Variants in RAPGEF2 observed in about 807,000 individuals in gnomAD.
RAPGEF2 encodes the protein PDZ domain containing guanine nucleotide exchange factor (GEF) 1.
In RAPGEF2, 54 loss-of-function variants were observed where a neutral mutation model predicts 186.7. The ratio of observed to expected loss-of-function variants is 0.29; its 90% CI spans 0.23 to 0.36. The LOEUF is 0.36. Ranked by LOEUF, RAPGEF2 falls within the 10% of genes least tolerant of loss-of-function variation. The pLI is 1.00. For missense variants in RAPGEF2, 1,532 were observed against 2,045.0 expected, an observed-to-expected ratio of 0.75 and a Z score of 4.84; for synonymous variants, 712 against 705.9, an observed-to-expected ratio of 1.01 and a Z score of -0.14.
chr4:159,345,474 T>A, intron 24 of RAPGEF2, 145 bp downstream of exon 24: 1 of 707,310 alleles, frequency 1.4e-6, no homozygotes, highest in Non-Finnish European at 2.3e-6. Context: ...CCTTGAATGC[T>A]AATATTTAAT....
At chr4:159,292,677 T>G (rs1211185723) in intron 7 of RAPGEF2, among the ~76,000 whole-genome samples, 1 of 152,212 alleles carries the variant, frequency 6.6e-6, no homozygotes, top group Non-Finnish European at 1.5e-5. Flanking sequence ...GTGGTCAGCC[T>G]ATTCAATAAA....
chr4:159,344,081 T>C (rs200357378), intron 23 of RAPGEF2, 22 bp downstream of exon 23: 248 of 1,525,304 alleles, frequency 1.6e-4, no homozygotes, highest in Non-Finnish European at 2.1e-4. Flanking sequence ...AGACCTTGCA[T>C]ACCCACACAC....
intron 25 of RAPGEF2, among the ~76,000 whole-genome samples, chr4:159,348,723 C>G (rs1346817781): frequency 6.6e-6 from 1 of 152,166 alleles, no homozygotes; most frequent in Non-Finnish European, 1.5e-5. Flanking sequence ...GTAGATGTCT[C>G]TGAGTATAAA....
chr4:159,232,222 C>T (rs1012707090), intron 4 of RAPGEF2, among the ~76,000 whole-genome samples: 4 of 152,134 alleles, frequency 2.6e-5, no homozygotes, highest in African/African-American at 7.2e-5. Context: ...CCACTAGTGG[C>T]GCTACCTCTT....
chr4:159,134,744 C>G (rs1202074921), intron 1 of RAPGEF2, among the ~76,000 whole-genome samples: 1 of 152,174 alleles, frequency 6.6e-6, no homozygotes, highest in Non-Finnish European at 1.5e-5. Context: ...CCATACAATT[C>G]ACCCATTTAA....
intron 2 of RAPGEF2, among the ~76,000 whole-genome samples, chr4:159,188,547 C>T (rs1747784868): frequency 6.6e-6 from 1 of 151,290 alleles, no homozygotes; most frequent in Admixed American, 6.6e-5. Context: ...GCTTATAATC[C>T]CAGCTGCTGT....
chr4:159,225,107 C>G (rs932558934), intron 4 of RAPGEF2, among the ~76,000 whole-genome samples: 1 of 152,066 alleles, frequency 6.6e-6, no homozygotes, highest in African/African-American at 2.4e-5. Flanking sequence ...TAACCTGGGT[C>G]ACCTGAGAAA....
rs1730415121 is a variant in RAPGEF2, at chr4:159,347,005, GATTA to G, written c.3712+8_3712+11del. 3.1e-6 allele frequency: 5 copies of G among 1,604,704 alleles called. No homozygotes were observed. The highest frequency in any genetic ancestry group is 4.3e-6 in the Non-Finnish European group (5 of 1,172,736). ...AAGGATCTCCCACCTTTTGGTAAGT[GATTA>G]CATTCATTTCTTTTTTTGGTGCCAT... is the stretch of plus-strand genomic sequence containing the variant. On this transcript the variant is annotated splice_region_variant and intron_variant, in intron 25 of 29. Transcript: ENST00000691494.
chr4:159,294,064 G>A (rs571530341), intron 7 of RAPGEF2, among the ~76,000 whole-genome samples: 1 of 152,320 alleles, frequency 6.6e-6, no homozygotes, highest in African/African-American at 2.4e-5. Flanking sequence ...TCTCAGCCAT[G>A]CTACTGTATG....
intron 3 of RAPGEF2, among the ~76,000 whole-genome samples, chr4:159,209,094 G>A (rs1192823295): frequency 6.6e-6 from 1 of 150,392 alleles, no homozygotes; most frequent in African/African-American, 2.5e-5. Flanking sequence ...GTTTCACCAC[G>A]TTGGCCAGGC....
chr4:159,306,464 T>G (rs141524654), intron 8 of RAPGEF2, among the ~76,000 whole-genome samples: 40 of 152,324 alleles, frequency 2.6e-4, no homozygotes, highest in African/African-American at 8.4e-4. Context: ...GCTACTGATT[T>G]GTGCATATTG....
intron 26 of RAPGEF2, 105 bp from the exon 27 acceptor site, chr4:159,352,580 A>C: frequency 1.2e-6 from 1 of 847,554 alleles, no homozygotes; most frequent in Non-Finnish European, 1.9e-6. Flanking sequence ...TCCCCACTTA[A>C]GAGATATCTA....
intron 7 of RAPGEF2, among the ~76,000 whole-genome samples, chr4:159,301,812 T>G (rs1485700872): frequency 6.6e-6 from 1 of 152,154 alleles, no homozygotes; most frequent in Admixed American, 6.5e-5. Context: ...TGAGCTATGA[T>G]TGTGTCTCTA....
chr4:159,301,557 A>G (rs1762678214), intron 7 of RAPGEF2, among the ~76,000 whole-genome samples: 1 of 152,176 alleles, frequency 6.6e-6, no homozygotes, highest in Non-Finnish European at 1.5e-5. Flanking sequence ...AAGAACACAG[A>G]TAGTGCGGAG....
At chr4:159,308,393 C>A (rs931587627) in intron 8 of RAPGEF2, among the ~76,000 whole-genome samples, 2 of 152,112 alleles carry the variant, frequency 1.3e-5, no homozygotes, top group East Asian at 3.9e-4. Flanking sequence ...TTTCAGTAGA[C>A]CACTTCTGTT....
intron 1 of RAPGEF2, among the ~76,000 whole-genome samples, chr4:159,115,892 A>C (rs902152268): frequency 7.9e-5 from 12 of 152,194 alleles, no homozygotes; most frequent in Non-Finnish European, 8.8e-5. Context: ...ATATGCAGAA[A>C]ATTGAAACTG....
intron 7 of RAPGEF2, among the ~76,000 whole-genome samples, chr4:159,302,853 C>T (rs12508475): frequency 0.18 from 26,710 of 151,370 alleles, 2,541 homozygotes; most frequent in Admixed American, 0.24. Context: ...AGGTTAGTTA[C>T]GTATGTATTT....
intron 1 of RAPGEF2, among the ~76,000 whole-genome samples, chr4:159,157,024 C>T (rs1194827979): frequency 5.3e-5 from 8 of 152,122 alleles, no homozygotes; most frequent in Non-Finnish European, 1.0e-4. Flanking sequence ...TCAGTGACTC[C>T]AGTGCTCAAT....
intron 25 of RAPGEF2, among the ~76,000 whole-genome samples, chr4:159,349,526 C>G (rs1730872478): frequency 6.6e-6 from 1 of 152,170 alleles, no homozygotes; most frequent in Non-Finnish European, 1.5e-5. Context: ...AAACCTTCCT[C>G]CAAGGTTTTG....
Sources: allele counts gnomAD v4.1 joint callset (sites outside exome capture counted in the v4.1 genomes callset), GRCh38; gene constraint gnomAD v4.1.1; transcripts MANE v1.5; gene names NCBI Gene and HGNC (gene_info 2026-07-23, HGNC 2026-07-21).